The following AFF1 variants were observed in gnomAD, a reference collection of about 807,000 sequenced individuals.
AFF1 encodes AF4/FMR2 family member 1.
In AFF1, 48 loss-of-function variants were observed where a neutral mutation model predicts 121.7. The ratio of observed to expected loss-of-function variants is 0.39; its 90% CI spans 0.31 to 0.50. The LOEUF (loss-of-function observed/expected upper bound fraction) is 0.50, where lower values mean the gene tolerates loss of function less well. Among genes scored for constraint, AFF1 ranks in the 20% least tolerant of loss-of-function variants. AFF1 has a pLI of 0.76. For missense variants in AFF1, 1,523 were observed against 1,511.7 expected (o/e 1.01, Z -0.12); for synonymous variants, 613 against 563.0 (o/e 1.09, Z -1.26).
At chr4:87,095,797 G>A (rs1385506328) in intron 8 of AFF1, among the ~76,000 whole-genome samples, 1 of 145,494 alleles carries the variant, frequency 6.9e-6, no homozygotes, top group East Asian at 2.0e-4. Flanking sequence ...TGATGGTATT[G>A]AACTCTTACT....
intron 5 of AFF1, among the ~76,000 whole-genome samples, chr4:87,088,378 CAG>C (rs1371349703): frequency 6.6e-6 from 1 of 152,198 alleles, no homozygotes; most frequent in East Asian, 1.9e-4. Flanking sequence ...TGGTAACCCA[CAG>C]AGCTGCAATG....
intron 8 of AFF1, 41 bp from the exon 9 acceptor site, chr4:87,105,587 C>A (rs1340941268): frequency 6.2e-7 from 1 of 1,610,818 alleles, no homozygotes; most frequent in South Asian, 1.1e-5. Context: ...TGTTAGAAAT[C>A]ATTTCACATT....
intron 2 of AFF1, among the ~76,000 whole-genome samples, chr4:86,954,841 C>T (rs1200792366): frequency 6.6e-6 from 1 of 152,212 alleles, no homozygotes; most frequent in South Asian, 2.1e-4. Context: ...GTCTTCATGT[C>T]TCTGAAGCAG....
At position 86,948,554 on chromosome 4, in the gene AFF1, C is replaced by T; in HGVS notation, c.21C>T (p.Val7=). The change falls in exon 2 of 21, where the codon GTC becomes GTT. Residue 7 remains valine, a synonymous_variant. Coordinates refer to ENST00000395146, the MANE Select transcript of AFF1 (RefSeq NM_001166693.3). The part of the protein sequence containing the change: MAFTER[V]NSSGNSLYND... ...AAACAATGGCATTTACAGAAAGAGT[C>T]AACAGCAGTGGCAACAGGTAAGCAT... is the stretch of plus-strand genomic sequence containing the variant. 1 of 1,536,932 alleles carries T rather than the reference C, an allele frequency of 6.5e-7. No individual in the cohort carries two copies. The highest frequency in any genetic ancestry group is 8.7e-7 in the Non-Finnish European group (1 of 1,146,712).
At chr4:87,130,222 C>T (rs1728693047) in intron 16 of AFF1, among the ~76,000 whole-genome samples, 1 of 152,214 alleles carries the variant, frequency 6.6e-6, no homozygotes, top group Non-Finnish European at 1.5e-5. Flanking sequence ...ATCCACTCAC[C>T]TCAGCCTCCC....
chr4:86,982,995 G>C (rs1723900204), intron 2 of AFF1, among the ~76,000 whole-genome samples: 2 of 151,984 alleles, frequency 1.3e-5, no homozygotes, highest in Admixed American at 6.6e-5. Flanking sequence ...GGACTTCCCA[G>C]CTCCAGAACT....
chr4:87,124,944 C>T, intron 12 of AFF1, 93 bp from the exon 13 acceptor site: 2 of 1,080,638 alleles, frequency 1.9e-6, no homozygotes, highest in Non-Finnish European at 2.6e-6. Flanking sequence ...CCAAAGGTTC[C>T]TTTACCCTCT....
At chr4:86,939,262 T>C (rs983651656) in intron 1 of AFF1, among the ~76,000 whole-genome samples, 10 of 149,444 alleles carry the variant, frequency 6.7e-5, no homozygotes, top group Admixed American at 3.4e-4. Flanking sequence ...AATCAGGAAA[T>C]TGAGTTGAAG....
chr4:87,034,164 C>T (rs1729336827), intron 2 of AFF1, among the ~76,000 whole-genome samples: 1 of 152,186 alleles, frequency 6.6e-6, no homozygotes, highest in African/African-American at 2.4e-5. Flanking sequence ...AGCGAGTCTT[C>T]CTCAGCTTTA....
intron 2 of AFF1, among the ~76,000 whole-genome samples, chr4:86,988,209 C>T (rs1414695563): frequency 6.6e-6 from 1 of 152,016 alleles, no homozygotes; most frequent in Non-Finnish European, 1.5e-5. Context: ...CTTGCAACTG[C>T]TTTGAGATAT....
chr4:87,007,297 C>T (rs755985106), intron 2 of AFF1: 26 of 1,574,742 alleles, frequency 1.7e-5, no homozygotes, highest in Non-Finnish European at 2.2e-5. Flanking sequence ...GGCGCCGCGC[C>T]GGGACGCGTC....
intron 1 of AFF1, 175 bp downstream of exon 1, chr4:86,935,415 G>A (rs1285204005): frequency 6.6e-6 from 1 of 152,340 alleles, no homozygotes; most frequent in Admixed American, 6.5e-5. Flanking sequence ...GGGGAGAACG[G>A]GCTAGGGCTC....
chr4:87,126,781 A>C (rs1000988895), intron 14 of AFF1, among the ~76,000 whole-genome samples: 1 of 152,096 alleles, frequency 6.6e-6, no homozygotes. Flanking sequence ...AGAAAGTGTT[A>C]TGTGTGGCTT....
chr4:86,984,875 T>A (rs1724082455), intron 2 of AFF1, among the ~76,000 whole-genome samples: 1 of 152,020 alleles, frequency 6.6e-6, no homozygotes, highest in African/African-American at 2.4e-5. Flanking sequence ...TGAGCTGTGA[T>A]GATGCCACTG....
At chr4:86,954,605 A>G (rs767775879) in intron 2 of AFF1, among the ~76,000 whole-genome samples, 1 of 152,102 alleles carries the variant, frequency 6.6e-6, no homozygotes, top group Non-Finnish European at 1.5e-5. Flanking sequence ...AGCTACTGAC[A>G]GGGGTCCAGG....
chr4:87,056,826 G>C (rs1560582044), intron 4 of AFF1, among the ~76,000 whole-genome samples: 1 of 152,166 alleles, frequency 6.6e-6, no homozygotes, highest in Admixed American at 6.5e-5. Flanking sequence ...TAGTCCCCTT[G>C]TTCACTTTAT....
chr4:87,083,914 C>T (rs531046561), intron 4 of AFF1, among the ~76,000 whole-genome samples: 2 of 152,254 alleles, frequency 1.3e-5, no homozygotes, highest in African/African-American at 4.8e-5. Flanking sequence ...AGGCATGCAC[C>T]ACCATGCATG....
chr4:87,050,034 A>G (rs1453793952), intron 4 of AFF1, among the ~76,000 whole-genome samples: 1 of 152,338 alleles, frequency 6.6e-6, no homozygotes, highest in East Asian at 1.9e-4. Context: ...TTTATATTTC[A>G]AATTTTAATA....
chr4:86,947,687 AAG>A (rs1232595644), intron 1 of AFF1, among the ~76,000 whole-genome samples: 1 of 152,198 alleles, frequency 6.6e-6, no homozygotes, highest in East Asian at 1.9e-4. Flanking sequence ...GTTAACCATA[AAG>A]AGAGGTTGTT....
Sources: allele counts gnomAD v4.1 joint callset (sites outside exome capture counted in the v4.1 genomes callset), GRCh38; gene constraint gnomAD v4.1.1; transcripts MANE v1.5; gene names NCBI Gene and HGNC (gene_info 2026-07-23, HGNC 2026-07-21).